Variants in RALY observed in about 807,000 individuals in gnomAD.
RALY encodes the protein RNA-binding protein Raly.
A neutral mutation model predicts 30.7 loss-of-function variants in RALY; 15 were observed. The observed-to-expected ratio is 0.49, with a 90% CI of 0.33 to 0.75. RALY has a LOEUF of 0.75. Ranked by LOEUF, RALY falls within the 30% of genes least tolerant of loss-of-function variation. The pLI, the probability that RALY is intolerant of heterozygous loss-of-function variation, is 0.02. For missense variants in RALY, 339 were observed against 414.3 expected (o/e 0.82, Z 1.58); for synonymous variants, 177 against 170.8 (o/e 1.04, Z -0.28).
intron 2 of RALY, among the ~76,000 whole-genome samples, chr20:34,068,033 G>A (rs2033627201): frequency 1.3e-5 from 2 of 152,038 alleles, no homozygotes; most frequent in South Asian, 4.2e-4. Flanking sequence ...TTCCGAGTAA[G>A]AGCATTTATA....
rs6059642 is a variant in RALY at position 34,046,471 on chromosome 20, A to G, written c.-10+14867A>G. Among the ~76,000 whole-genome samples the G allele has an allele frequency of 9.4e-4, 143 of 152,258 alleles. 1 individual carries two copies. The highest frequency in any genetic ancestry group is 3.0e-3 in the African/African-American group (125 of 41,558). ...GTGTACATACTTTAAGCATTGGGTA[A>G]AGAGAAACTCTTATTCACTCCTCCT... On this transcript the variant is annotated intron_variant, in intron 2 of 9. Transcript: ENST00000246194.
At chr20:34,057,398 T>C (rs2033278191) in intron 2 of RALY, among the ~76,000 whole-genome samples, 2 of 152,226 alleles carry the variant, frequency 1.3e-5, no homozygotes, top group East Asian at 3.8e-4. Flanking sequence ...CCAGGTGTGG[T>C]GGCTCACGCC....
chr20:34,077,086 CGGTGGCGGTGGCAGTGGT>C lies in RALY; in HGVS notation c.730_747del (p.Ser244_Gly249del). The C allele has an allele frequency of 8.1e-6, 13 of 1,603,526 alleles. No homozygotes were observed. Among genetic ancestry groups the C allele is most frequent in the Middle Eastern group, 1.7e-4 (1 of 5,968 alleles). ...GCGGCGGCGGCGGTGGTGGTGGCAG[CGGTGGCGGTGGCAGTGGT>C]GGTGGCGGTGGCGGTGGCAGCAGCC... On this transcript the variant is annotated inframe_deletion, in exon 8 of 10. Coordinates refer to ENST00000246194, the MANE Select transcript of RALY (RefSeq NM_016732.3).
intron 2 of RALY, among the ~76,000 whole-genome samples, chr20:34,034,081 T>G (rs2032384443): frequency 6.6e-6 from 1 of 152,174 alleles, no homozygotes; most frequent in Non-Finnish European, 1.5e-5. Context: ...GAGTCAGCAC[T>G]CCACTGAGAT....
At chr20:34,076,908 C>T in intron 7 of RALY, 93 bp downstream of exon 7, 1 of 1,586,940 alleles carries the variant, frequency 6.3e-7, no homozygotes, top group South Asian at 1.1e-5. Context: ...CTAGGGTGGC[C>T]CTGCAGATCC....
chr20:34,052,116 C>T (rs1404087529), intron 2 of RALY, among the ~76,000 whole-genome samples: 1 of 152,178 alleles, frequency 6.6e-6, no homozygotes, highest in Non-Finnish European at 1.5e-5. Context: ...CAAATTGTGT[C>T]TTCCTCAGAA....
chr20:34,062,105 G>A (rs1470485845), intron 2 of RALY, among the ~76,000 whole-genome samples: 1 of 151,920 alleles, frequency 6.6e-6, no homozygotes, highest in Non-Finnish European at 1.5e-5. Context: ...TGGTTCCACA[G>A]CACCTAGCTA....
Position 34,005,507 on chromosome 20 carries a change from C to CA in RALY, c.-93+11390dup, listed in dbSNP as rs535112985. 6.9e-3 allele frequency among the ~76,000 whole-genome samples: 928 copies of CA among 134,368 alleles called. 3 individuals carry two copies. Among genetic ancestry groups the CA allele is most frequent in the East Asian group, 0.041 (194 of 4,728 alleles). The allele number at this position is 134,368 out of a possible 152,430, so 88.2% of individuals were successfully genotyped here. A position where few individuals can be genotyped will look rare whatever the true frequency, so the allele number is the denominator to read the frequency against. ...CTGGTGACAGAGTGAGACTCTTTCT[C>CA]AAAAAAAAAAAAAATCTGACCTGGG... On this transcript the variant is annotated intron_variant, in intron 1 of 9. Coordinates refer to ENST00000246194, the MANE Select transcript of RALY (RefSeq NM_016732.3).
At chr20:34,060,369 T>A (rs957192072) in intron 2 of RALY, among the ~76,000 whole-genome samples, 3 of 152,258 alleles carry the variant, frequency 2.0e-5, no homozygotes, top group Non-Finnish European at 2.9e-5. Flanking sequence ...TTAGGGATGC[T>A]CAGCCAGTTA....
At position 34,076,820 on chromosome 20, in the gene RALY, G is replaced by A. The variant is rs756438622; in HGVS notation, c.658+5G>A. Reference sequence around the variant, plus strand: ...CGGAGCAAAAGGCCAATCCAGGTCAGCCTCTGAGGATTCTCACCCACCTCC... The same window carrying A: ...CGGAGCAAAAGGCCAATCCAGGTCAACCTCTGAGGATTCTCACCCACCTCC... On this transcript the variant is annotated splice_donor_5th_base_variant and intron_variant, in intron 7 of 9. Coordinates refer to ENST00000246194, the MANE Select transcript of RALY (RefSeq NM_016732.3). 4 of 1,613,298 alleles carry A rather than the reference G, an allele frequency of 2.5e-6. No homozygotes were observed. The highest frequency in any genetic ancestry group is 1.7e-6 in the Non-Finnish European group (2 of 1,179,654).
At chr20:33,994,719 C>T (rs900270808) in intron 1 of RALY, among the ~76,000 whole-genome samples, 1 of 152,072 alleles carries the variant, frequency 6.6e-6, no homozygotes, top group Admixed American at 6.5e-5. Context: ...TCCTTGGCGG[C>T]CGAGTCTTAG....
chr20:34,005,861 T>G (rs905422597), intron 1 of RALY, among the ~76,000 whole-genome samples: 7 of 152,232 alleles, frequency 4.6e-5, no homozygotes, highest in Non-Finnish European at 1.0e-4. Context: ...TGTAGCCTTT[T>G]CAGATTTGCC....
At chr20:34,012,355 T>G (rs1407027304) in intron 1 of RALY, among the ~76,000 whole-genome samples, 2 of 152,180 alleles carry the variant, frequency 1.3e-5, no homozygotes, top group Non-Finnish European at 2.9e-5. Context: ...TTATTTTATT[T>G]TTTTTGCCTA....
chr20:34,067,417 T>A (rs1249862079), intron 2 of RALY, among the ~76,000 whole-genome samples: 1 of 152,226 alleles, frequency 6.6e-6, no homozygotes, highest in Non-Finnish European at 1.5e-5. Flanking sequence ...CCACCTGCCT[T>A]GGCCTCCCAA....
chr20:34,054,354 G>A (rs2033173402), intron 2 of RALY, among the ~76,000 whole-genome samples: 1 of 152,228 alleles, frequency 6.6e-6, no homozygotes, highest in African/African-American at 2.4e-5. Context: ...AAATACAAAA[G>A]TGCAGCAGAT....
intron 2 of RALY, among the ~76,000 whole-genome samples, chr20:34,070,332 G>A (rs1360888340): frequency 1.3e-5 from 2 of 152,106 alleles, no homozygotes; most frequent in Non-Finnish European, 2.9e-5. Context: ...TTAACTTGAG[G>A]CTTTTCCTAC....
intron 1 of RALY, among the ~76,000 whole-genome samples, chr20:34,018,902 T>C (rs1015833423): frequency 3.3e-5 from 5 of 152,188 alleles, no homozygotes; most frequent in African/African-American, 1.2e-4. Context: ...ATCACCTGCC[T>C]TGGGGAACCA....
chr20:34,015,206 A>T (rs1043764800), intron 1 of RALY: 19 of 152,168 alleles, frequency 1.2e-4, no homozygotes, highest in African/African-American at 4.6e-4. Context: ...AATTTCTGCC[A>T]AATGTGTGCT....
chr20:34,011,279 C>A (rs1190622274), intron 1 of RALY, among the ~76,000 whole-genome samples: 1 of 152,038 alleles, frequency 6.6e-6, no homozygotes, highest in Non-Finnish European at 1.5e-5. Flanking sequence ...TATAGCAGGC[C>A]CTTTGACTTC....
Sources: gnomAD v4.1 joint callset for allele counts (sites outside exome capture counted in the v4.1 genomes callset) on GRCh38, gnomAD v4.1.1 for gene constraint, MANE v1.5 for transcripts, NCBI Gene and HGNC (gene_info 2026-07-23, HGNC 2026-07-21) for gene names.